OCA2: variants seen among roughly 807,000 people sequenced by gnomAD.
OCA2 encodes OCA2 melanosomal transmembrane protein.
OCA2 carries 77 observed loss-of-function variants against 100.2 expected under a neutral mutation model. The ratio of observed to expected loss-of-function variants is 0.77; its 90% CI spans 0.64 to 0.93. The LOEUF (loss-of-function observed/expected upper bound fraction) is 0.93. Among genes scored for constraint, OCA2 ranks in the 40% least tolerant of loss-of-function variants. OCA2 has a pLI of 0.00. For synonymous variants in OCA2, 432 were observed against 439.2 expected (o/e 0.98, Z 0.21); for missense variants, 1,062 against 1,089.1 (o/e 0.98, Z 0.35).
At chr15:27,811,403 T>C (rs1468441706) in intron 23 of OCA2, among the ~76,000 whole-genome samples, 1 of 152,232 alleles carries the variant, frequency 6.6e-6, no homozygotes, top group South Asian at 2.1e-4. Context: ...AAATTACATA[T>C]TGGGTACAAT....
intron 23 of OCA2, among the ~76,000 whole-genome samples, chr15:27,770,881 TGCTCCTTCCCATCTCCTTTTC>T (rs1566949241): frequency 6.5e-5 from 4 of 61,588 alleles, no homozygotes; most frequent in Admixed American, 1.5e-4. Context: ...CTCCTTCCTT[TGCTCCTTCCCATCTCCTTTTC>T]CTTCCTTCCC....
intron 3 of OCA2, among the ~76,000 whole-genome samples, chr15:28,029,061 A>G (rs532156842): frequency 3.3e-5 from 5 of 152,288 alleles, no homozygotes; most frequent in South Asian, 2.1e-4. Context: ...AAAAGTTTGT[A>G]CCAAAAGCCA....
chr15:27,955,224 G>T lies in OCA2; in HGVS notation c.1785-9C>A. 1.3e-6 allele frequency: 2 copies of T among 1,598,826 alleles called. No individual in the cohort carries two copies. Among genetic ancestry groups the T allele is most frequent in the Non-Finnish European group, 1.7e-6 (2 of 1,166,056 alleles). On this transcript the variant is annotated splice_polypyrimidine_tract_variant and intron_variant, in intron 16 of 23. Coordinates refer to ENST00000354638, the MANE Select transcript of OCA2 (RefSeq NM_000275.3). ...CCTCCTGTGAGATCTGTCTAAAAGA[G>T]AAAAGAAGAGACTCATTACTTCCCT... is the stretch of plus-strand genomic sequence containing the variant.
chr15:27,868,838 T>G (rs1270568319), intron 21 of OCA2, among the ~76,000 whole-genome samples: 1 of 152,210 alleles, frequency 6.6e-6, no homozygotes, highest in South Asian at 2.1e-4. Context: ...TCATGAAAAC[T>G]TATACATTCG....
intron 16 of OCA2, 91 bp from the exon 17 acceptor site, chr15:27,955,306 C>G: frequency 1.0e-6 from 1 of 952,540 alleles, no homozygotes; most frequent in Non-Finnish European, 1.7e-6. Flanking sequence ...CGTGCCTGGA[C>G]GCGGTCTGTG....
At chr15:28,084,753 A>G (rs985429736) in intron 1 of OCA2, among the ~76,000 whole-genome samples, 11 of 152,182 alleles carry the variant, frequency 7.2e-5, no homozygotes, top group African/African-American at 2.7e-4. Flanking sequence ...TGGGCCAGCA[A>G]GAAGTTTATG....
chr15:27,915,312 C>T (rs1045802583), intron 19 of OCA2, among the ~76,000 whole-genome samples: 2 of 152,050 alleles, frequency 1.3e-5, no homozygotes, highest in East Asian at 1.9e-4. Flanking sequence ...AAAGATTTCA[C>T]GACAAAGACC....
chr15:27,781,340 T>C (rs1023102853), intron 23 of OCA2, among the ~76,000 whole-genome samples: 10 of 152,210 alleles, frequency 6.6e-5, no homozygotes, highest in African/African-American at 2.4e-4. Context: ...TTTAAATCAT[T>C]GGCAGCTGCC....
intron 23 of OCA2, among the ~76,000 whole-genome samples, chr15:27,827,381 G>T (rs2034770651): frequency 6.6e-6 from 1 of 152,156 alleles, no homozygotes; most frequent in Non-Finnish European, 1.5e-5. Flanking sequence ...GAAGAGCCTG[G>T]TGCTCAGGTA....
the OCA2 span, among the ~76,000 whole-genome samples, chr15:27,735,283 T>G: frequency 5.3e-5 from 8 of 152,040 alleles, 1 homozygote; most frequent in African/African-American, 1.9e-4. Flanking sequence ...ATCTTCAAAC[T>G]GGAAGACAAG....
chr15:27,778,717 A>G (rs1323531786), intron 23 of OCA2, among the ~76,000 whole-genome samples: 2 of 152,206 alleles, frequency 1.3e-5, no homozygotes, highest in Non-Finnish European at 2.9e-5. Flanking sequence ...CAGAGGAAAA[A>G]GGAAACTAGA....
intron 19 of OCA2, among the ~76,000 whole-genome samples, chr15:27,879,136 C>T (rs1034460997): frequency 6.6e-6 from 1 of 152,168 alleles, no homozygotes; most frequent in East Asian, 1.9e-4. Flanking sequence ...GCTAACTTGC[C>T]GAGGATAACA....
chr15:27,746,867 C>T, the OCA2 span, among the ~76,000 whole-genome samples: 2 of 152,176 alleles, frequency 1.3e-5, no homozygotes, highest in Non-Finnish European at 2.9e-5. Context: ...CCTCTTTGGC[C>T]TACAGTCTGG....
intron 23 of OCA2, among the ~76,000 whole-genome samples, chr15:27,809,529 G>A (rs900349818): frequency 6.6e-6 from 1 of 152,168 alleles, no homozygotes; most frequent in Non-Finnish European, 1.5e-5. Context: ...GAGCAATCAG[G>A]CAAGAGAAAG....
chr15:28,017,813 C>T (rs966682087), intron 7 of OCA2, among the ~76,000 whole-genome samples: 3 of 151,954 alleles, frequency 2.0e-5, no homozygotes, highest in Non-Finnish European at 2.9e-5. Flanking sequence ...GTGGAGTCTC[C>T]GAGGCCAGGG....
intron 23 of OCA2, among the ~76,000 whole-genome samples, chr15:27,833,200 A>G (rs577826344): frequency 2.0e-4 from 31 of 152,368 alleles, no homozygotes; most frequent in African/African-American, 7.5e-4. Context: ...CATTATAAAA[A>G]AAGTTTTATC....
chr15:28,012,869 A>T (rs1206178326), intron 9 of OCA2, among the ~76,000 whole-genome samples: 4 of 152,258 alleles, frequency 2.6e-5, no homozygotes, highest in African/African-American at 7.2e-5. Flanking sequence ...TTGCAAAATA[A>T]TAGTAAAAAA....
chr15:28,004,494 C>T (rs1440319186), intron 9 of OCA2, among the ~76,000 whole-genome samples: 1 of 152,186 alleles, frequency 6.6e-6, no homozygotes, highest in African/African-American at 2.4e-5. Context: ...CACAGACACA[C>T]ACACAGTCAC....
chr15:27,770,430 G>A (rs2031635013), intron 23 of OCA2, among the ~76,000 whole-genome samples: 1 of 152,212 alleles, frequency 6.6e-6, no homozygotes, highest in African/African-American at 2.4e-5. Context: ...GCTCATTGCC[G>A]CCTGTCTGCT....
Sources: gnomAD v4.1 joint callset for allele counts (sites outside exome capture counted in the v4.1 genomes callset) on GRCh38, gnomAD v4.1.1 for gene constraint, MANE v1.5 for transcripts, NCBI Gene and HGNC (gene_info 2026-07-23, HGNC 2026-07-21) for gene names.